Variants in NAV1 observed in about 807,000 individuals in gnomAD.
NAV1 encodes neuron navigator 1.
Under a neutral mutation model 175.2 loss-of-function variants are expected in NAV1, and 18 were observed. That is an observed-to-expected ratio of 0.10 (90% CI 0.07 to 0.15). The LOEUF (loss-of-function observed/expected upper bound fraction) is 0.15. Among genes scored for constraint, NAV1 ranks in the 10% least tolerant of loss-of-function variants. The pLI, the probability that NAV1 is intolerant of heterozygous loss-of-function variation, is 1.00. For synonymous variants in NAV1, 897 were observed against 978.7 expected (o/e 0.92, Z 1.56); for missense variants, 1,731 against 2,436.6 (o/e 0.71, Z 6.10).
At chr1:201,602,870 G>A (rs1268004639) in intron 2 of NAV1, among the ~76,000 whole-genome samples, 1 of 151,924 alleles carries the variant, frequency 6.6e-6, no homozygotes, top group Non-Finnish European at 1.5e-5. Context: ...TCCCCATCCT[G>A]ACAAGCCTGG....
chr1:201,826,408 T>G (rs898059783), exon 30 of NAV1: 2 of 152,258 alleles, frequency 1.3e-5, no homozygotes, highest in Non-Finnish European at 2.9e-5. Flanking sequence ...TGCTTTTTTG[T>G]TTTTGCTTTT....
chr1:201,540,476 A>C lies in NAV1; in HGVS notation c.-144+1134A>C, dbSNP rs559867120. Reference sequence around the variant, plus strand: ...GTGGGCTAGCTCTTGTTCCCCCTACATGAAGTCCCCGGCAACTCACTTGTA... The same window carrying C: ...GTGGGCTAGCTCTTGTTCCCCCTACCTGAAGTCCCCGGCAACTCACTTGTA... On this transcript the variant is annotated intron_variant, in intron 1 of 33. Transcript: ENST00000685211. 1.7e-4 allele frequency among the ~76,000 whole-genome samples: 26 copies of C among 152,298 alleles called. No individual in the cohort carries two copies. In the East Asian group the frequency reaches 5.0e-3, roughly 29 times the overall value.
chr1:201,777,151 A>G (rs1370381981), intron 3 of NAV1, among the ~76,000 whole-genome samples: 2 of 152,236 alleles, frequency 1.3e-5, no homozygotes, highest in African/African-American at 4.8e-5. Context: ...ACCCCTTTTC[A>G]GAAACCTACT....
At chr1:201,561,595 T>C (rs146837038) in intron 1 of NAV1, among the ~76,000 whole-genome samples, 1 of 152,386 alleles carries the variant, frequency 6.6e-6, no homozygotes, top group East Asian at 1.9e-4. Context: ...ATTATCCATG[T>C]TTCTAGATTT....
chr1:201,636,185 CA>C lies in NAV1; in HGVS notation c.4+6679del, dbSNP rs757853595. ...AGGCCCAGGGCAGACAGAGAGCCTG[CA>C]GAGGGGGCTTTATCTCAAGAAGTGC... On this transcript the variant is annotated intron_variant, in intron 2 of 29. Transcript: ENST00000367302. Among the ~76,000 whole-genome samples the C allele has an allele frequency of 6.6e-5, 10 of 152,210 alleles. No individual in the cohort carries two copies. In the East Asian group the frequency reaches 1.5e-3, roughly 23 times the overall value.
chr1:201,767,787 T>C (rs1675309350), intron 3 of NAV1, among the ~76,000 whole-genome samples: 2 of 152,188 alleles, frequency 1.3e-5, no homozygotes, highest in Non-Finnish European at 2.9e-5. Flanking sequence ...AGGGATCACA[T>C]CTCCATGACT....
At chr1:201,601,908 T>C (rs1233126212) in intron 2 of NAV1, among the ~76,000 whole-genome samples, 2 of 152,118 alleles carry the variant, frequency 1.3e-5, no homozygotes, top group African/African-American at 4.8e-5. Context: ...GCAGCCTCAG[T>C]GGTGGTGTCG....
chr1:201,647,840 C>T (rs1454429826), upstream of NAV1, among the ~76,000 whole-genome samples: 2 of 152,120 alleles, frequency 1.3e-5, no homozygotes, highest in Admixed American at 6.5e-5. Context: ...TTCCCTCCCG[C>T]ATTCTGAGCC....
At chr1:201,819,275 T>C (rs1558200936) in intron 29 of NAV1, among the ~76,000 whole-genome samples, 1 of 152,182 alleles carries the variant, frequency 6.6e-6, no homozygotes, top group Non-Finnish European at 1.5e-5. Flanking sequence ...CATTCTTTTT[T>C]GGTATTCCTC....
chr1:201,571,070 G>T (rs1434402584), intron 1 of NAV1, among the ~76,000 whole-genome samples: 1 of 152,360 alleles, frequency 6.6e-6, no homozygotes, highest in South Asian at 2.1e-4. Flanking sequence ...GCCCCGCCAG[G>T]TCTGGTGGCC....
chr1:201,649,365 C>A lies in NAV1; in HGVS notation c.697C>A (p.Pro233Thr). Residue 233 changes from proline to threonine, a missense_variant, in exon 1 of 30, where the codon CCC becomes ACC. Around this residue, in one of 13 missense-constraint regions of NAV1, gnomAD observed 487 missense variants for 581.3 expected, o/e 0.84. Coordinates refer to ENST00000367296, the Ensembl canonical transcript of NAV1. Reference sequence around the variant, plus strand: ...GGAGCGCGCCTTCCTCAAGGTGGACCCCGAGCTGGTGGTGACCGTGCTGGG... The same window carrying A: ...GGAGCGCGCCTTCCTCAAGGTGGACACCGAGCTGGTGGTGACCGTGCTGGG... 1 of 1,607,240 alleles carries A rather than the reference C, an allele frequency of 6.2e-7. No homozygotes were observed. The highest frequency in any genetic ancestry group is 8.5e-7 in the Non-Finnish European group (1 of 1,177,306).
At chr1:201,793,699 A>G (rs1375426796) in intron 13 of NAV1, 93 bp from the exon 18 acceptor site, 8 of 1,101,546 alleles carry the variant, frequency 7.3e-6, no homozygotes, top group South Asian at 1.4e-5. Flanking sequence ...GCTCCGAGAT[A>G]CAGGAAATCA....
At chr1:201,615,372 C>T (rs1304476379) in intron 2 of NAV1, among the ~76,000 whole-genome samples, 1 of 151,666 alleles carries the variant, frequency 6.6e-6, no homozygotes, top group African/African-American at 2.4e-5. Flanking sequence ...TCAGGCGATT[C>T]TCCTGCTTCA....
At chr1:201,591,180 T>C (rs1056836542) in intron 2 of NAV1, among the ~76,000 whole-genome samples, 6 of 152,102 alleles carry the variant, frequency 3.9e-5, no homozygotes, top group African/African-American at 1.2e-4. Context: ...CCTTTGCCTC[T>C]CCTGTAAAAC....
rs114328746 is a variant in NAV1, at chr1:201,748,527, G to A, written c.1226+29772G>A. The stretch of plus-strand genomic sequence containing the variant: ...TCAGGGGGCAAAAGTGGCCAGTCAC[G>A]TCCTCTGTCTGAGAAACTAGCCATG... On this transcript the variant is annotated intron_variant, in intron 3 of 29. Transcript: ENST00000367296. 3.3e-3 allele frequency among the ~76,000 whole-genome samples: 496 copies of A among 152,322 alleles called. 7 individuals are homozygous for A. The East Asian group carries it at 0.038, about 12-fold the overall frequency.
intron 2 of NAV1, among the ~76,000 whole-genome samples, chr1:201,632,020 C>T (rs756750541): frequency 6.6e-6 from 1 of 152,130 alleles, no homozygotes; most frequent in Non-Finnish European, 1.5e-5. Context: ...CCTGTTTCTT[C>T]TCTACCAGCT....
chr1:201,747,083 G>A (rs1379634166), intron 3 of NAV1, among the ~76,000 whole-genome samples: 1 of 152,130 alleles, frequency 6.6e-6, no homozygotes, highest in African/African-American at 2.4e-5. Context: ...AGAACCCTGG[G>A]CCTGAGATAA....
intron 2 of NAV1, among the ~76,000 whole-genome samples, chr1:201,598,491 G>A (rs1034704071): frequency 2.0e-5 from 3 of 152,174 alleles, no homozygotes; most frequent in Non-Finnish European, 2.9e-5. Flanking sequence ...GCGTGGGGCC[G>A]GGAGAACAAA....
chr1:201,710,795 A>T (rs570291230), intron 1 of NAV1, among the ~76,000 whole-genome samples: 2 of 152,218 alleles, frequency 1.3e-5, no homozygotes, highest in Non-Finnish European at 2.9e-5. Flanking sequence ...ATCTCCCAGA[A>T]ATGTTGCAAG....
Sources: gnomAD v4.1 joint callset for allele counts (sites outside exome capture counted in the v4.1 genomes callset) on GRCh38, gnomAD v4.1.1 for gene constraint, gnomAD v4.1.1 regional missense constraint, MANE v1.5 for transcripts, NCBI Gene and HGNC (gene_info 2026-07-23, HGNC 2026-07-21) for gene names.